HMGB1: variants seen among roughly 807,000 people sequenced by gnomAD.
HMGB1 encodes the protein high mobility group protein B1.
For missense variants in HMGB1, 79 were observed against 253.5 expected, an observed-to-expected ratio of 0.31 and a Z score of 4.67; for synonymous variants, 81 against 84.0, an observed-to-expected ratio of 0.96 and a Z score of 0.19.
chr13:30,574,879 G>A (rs1338853607), intron 1 of HMGB1, among the ~76,000 whole-genome samples: 1 of 152,072 alleles, frequency 6.6e-6, no homozygotes, highest in Admixed American at 6.5e-5. Context: ...AACCATGCTA[G>A]GAATCCAGGA....
chr13:30,501,106 C>G (rs1292566771), intron 1 of HMGB1, among the ~76,000 whole-genome samples: 1 of 152,144 alleles, frequency 6.6e-6, no homozygotes, highest in African/African-American at 2.4e-5. Flanking sequence ...CAGATGTGAC[C>G]CACTGTGTCT....
At chr13:30,594,291 G>C (rs1871505295) in intron 1 of HMGB1, among the ~76,000 whole-genome samples, 2 of 152,158 alleles carry the variant, frequency 1.3e-5, no homozygotes, top group African/African-American at 2.4e-5. Flanking sequence ...GTGAAGCTGA[G>C]GTTTGGACCT....
At chr13:30,550,480 A>G (rs531122336) in intron 1 of HMGB1, among the ~76,000 whole-genome samples, 1 of 152,338 alleles carries the variant, frequency 6.6e-6, no homozygotes, top group African/African-American at 2.4e-5. Context: ...GCTCTTAGAC[A>G]TAGAATCTAA....
chr13:30,462,288 T>C (rs973933090), intron 4 of HMGB1: 4 of 497,432 alleles, frequency 8.0e-6, no homozygotes, highest in African/African-American at 7.8e-5. Flanking sequence ...AACATTTTCA[T>C]GAACTTCAAG....
At chr13:30,526,491 G>T (rs1819487425) in intron 1 of HMGB1, among the ~76,000 whole-genome samples, 1 of 152,110 alleles carries the variant, frequency 6.6e-6, no homozygotes, top group Non-Finnish European at 1.5e-5. Context: ...CAGTGAGACT[G>T]GTTCTGCCTG....
intron 1 of HMGB1, among the ~76,000 whole-genome samples, chr13:30,520,760 G>C (rs917988655): frequency 6.6e-6 from 1 of 152,182 alleles, no homozygotes; most frequent in Non-Finnish European, 1.5e-5. Context: ...GTGCCACCAA[G>C]GGCACTGGTG....
At chr13:30,462,843 A>C (rs568608708) in intron 3 of HMGB1, 131 bp from the exon 4 acceptor site, 2 of 701,104 alleles carry the variant, frequency 2.9e-6, no homozygotes, top group Non-Finnish European at 4.8e-6. Context: ...TGCAAATACT[A>C]TAATATACTA....
intron 1 of HMGB1, among the ~76,000 whole-genome samples, chr13:30,575,497 T>C (rs1156293518): frequency 6.6e-6 from 1 of 152,202 alleles, no homozygotes; most frequent in African/African-American, 2.4e-5. Flanking sequence ...AGATACTCAA[T>C]ACATACTCCA....
chr13:30,555,530 TCA>T (rs1333775151), intron 1 of HMGB1, among the ~76,000 whole-genome samples: 1 of 152,204 alleles, frequency 6.6e-6, no homozygotes, highest in Admixed American at 6.5e-5. Flanking sequence ...GTTCATGTAC[TCA>T]CAATTTTACT....
In HMGB1 at chr13:30,538,586, TTTTC is replaced by T. The variant is rs1410158520; in HGVS notation, c.-14-74896_-14-74893del. On this transcript the variant is annotated intron_variant, in intron 1 of 4. Coordinates refer to the HMGB1 transcript ENST00000405805. Reference sequence around the variant, plus strand: ...TTCTTCTTTTTCTTTCTTTCTTTCTTTTTCTTTCTTCTTTTTCTTTCTTTCTCTT... The same window carrying T: ...TTCTTCTTTTTCTTTCTTTCTTTCTTTTTCTTCTTTTTCTTTCTTTCTCTT... Among the ~76,000 whole-genome samples the T allele has an allele frequency of 9.2e-5, 13 of 140,846 alleles. 2 individuals carry two copies. Among genetic ancestry groups the T allele is most frequent in the Admixed American group, 2.1e-4 (3 of 14,286 alleles). The allele number at this position is 140,846 out of a possible 152,430, so 92.4% of individuals were successfully genotyped here.
At chr13:30,498,302 A>T (rs931992947) in intron 1 of HMGB1, among the ~76,000 whole-genome samples, 1 of 152,198 alleles carries the variant, frequency 6.6e-6, no homozygotes, top group Non-Finnish European at 1.5e-5. Context: ...CCTGGGGAAC[A>T]GAGTGAGACT....
At chr13:30,494,015 CTCTT>C (rs1276131939) in intron 1 of HMGB1, among the ~76,000 whole-genome samples, 3 of 150,680 alleles carry the variant, frequency 2.0e-5, no homozygotes, top group Admixed American at 6.6e-5. Context: ...AAAAAAAAAA[CTCTT>C]TCAATGGCAC....
At chr13:30,478,007 C>G (rs1391638756) in intron 1 of HMGB1, among the ~76,000 whole-genome samples, 1 of 152,158 alleles carries the variant, frequency 6.6e-6, no homozygotes, top group Non-Finnish European at 1.5e-5. Context: ...GTAAGGTTTC[C>G]TTTTGACTTA....
At chr13:30,612,679 C>A (rs1950523344) in intron 1 of HMGB1, among the ~76,000 whole-genome samples, 1 of 152,198 alleles carries the variant, frequency 6.6e-6, no homozygotes, top group Admixed American at 6.5e-5. Flanking sequence ...TCCTTCTAGT[C>A]CTTATGACTG....
chr13:30,508,777 T>C (rs75623756), intron 1 of HMGB1, among the ~76,000 whole-genome samples: 12,728 of 152,216 alleles, frequency 0.084, 770 homozygotes, highest in African/African-American at 0.17. Flanking sequence ...GGTCAGACTA[T>C]GTGCAAACAC....
chr13:30,469,820 G>T (rs997024635), upstream of HMGB1, among the ~76,000 whole-genome samples: 1 of 152,148 alleles, frequency 6.6e-6, no homozygotes, highest in African/African-American at 2.4e-5. Flanking sequence ...TAGTGGAGAC[G>T]GGGTTTCACC....
intron 1 of HMGB1, among the ~76,000 whole-genome samples, chr13:30,603,782 A>T (rs1037850934): frequency 6.6e-6 from 1 of 152,234 alleles, no homozygotes; most frequent in African/African-American, 2.4e-5. Context: ...GTATCCTTTA[A>T]ATCATCTCTA....
intron 1 of HMGB1, among the ~76,000 whole-genome samples, chr13:30,604,954 G>A (rs1043796931): frequency 2.6e-5 from 4 of 152,192 alleles, no homozygotes; most frequent in African/African-American, 9.7e-5. Flanking sequence ...CACCGCGCCC[G>A]GCCTGAATGT....
chr13:30,601,179 C>G (rs998366499), intron 1 of HMGB1, among the ~76,000 whole-genome samples: 1 of 152,124 alleles, frequency 6.6e-6, no homozygotes, highest in Non-Finnish European at 1.5e-5. Flanking sequence ...TTTGTGAGAT[C>G]CACCGCTGCC....
Sources: gnomAD v4.1 joint callset for allele counts (sites outside exome capture counted in the v4.1 genomes callset) on GRCh38, gnomAD v4.1.1 for gene constraint, MANE v1.5 for transcripts, NCBI Gene and HGNC (gene_info 2026-07-23, HGNC 2026-07-21) for gene names.